EYS: variants seen among roughly 807,000 people sequenced by gnomAD.
The protein encoded by EYS is EGF-like photoreceptor maintenance factor, also known as protein eyes shut homolog.
Under a neutral mutation model 282.1 loss-of-function variants are expected in EYS, and 250 were observed. The ratio of observed to expected loss-of-function variants is 0.89; its 90% CI spans 0.80 to 0.98. The LOEUF is 0.98. Ranked by LOEUF, EYS falls within the 50% of genes least tolerant of loss-of-function variation. The pLI, the probability that EYS is intolerant of heterozygous loss-of-function variation, is 0.00. For missense variants in EYS, 4,016 were observed against 3,709.0 expected (o/e 1.08, Z -2.15); for synonymous variants, 1,355 against 1,282.9 (o/e 1.06, Z -1.20).
At chr6:64,171,050 G>A (rs907423324) in intron 31 of EYS, among the ~76,000 whole-genome samples, 29 of 152,140 alleles carry the variant, frequency 1.9e-4, no homozygotes, top group African/African-American at 4.8e-4. Flanking sequence ...TTGCTTATCC[G>A]TAAATTTATT....
chr6:64,617,412 C>T lies in EYS; in HGVS notation c.3684+6G>A, dbSNP rs1392219930. The T allele has an allele frequency of 2.0e-6, 3 of 1,518,488 alleles. No homozygotes were observed. The highest frequency in any genetic ancestry group is 2.8e-5 in the African/African-American group (2 of 72,330). 94.1% of individuals were successfully genotyped at this position (1,518,488 alleles called of 1,614,324 possible). On this transcript the variant is annotated splice_donor_region_variant and intron_variant, in intron 24 of 42. Transcript: ENST00000503581. ...TATTACAACCACAACCACCAGTAATCTTTACCATAAATCCAGGTGTGCATA... is the reference window on the plus strand; with the variant it reads ...TATTACAACCACAACCACCAGTAATTTTTACCATAAATCCAGGTGTGCATA...
chr6:63,980,145 C>G (rs1001264355), intron 35 of EYS, among the ~76,000 whole-genome samples: 2 of 151,776 alleles, frequency 1.3e-5, no homozygotes, highest in African/African-American at 2.4e-5. Flanking sequence ...ATTCACTACC[C>G]CACTCTTGTG....
At chr6:65,296,843 G>C (rs75478886) in intron 11 of EYS, among the ~76,000 whole-genome samples, 2 of 151,590 alleles carry the variant, frequency 1.3e-5, no homozygotes, top group Non-Finnish European at 3.0e-5. Context: ...TTGTGAAATA[G>C]TCTGCAATTT....
chr6:64,734,240 A>G (rs935460791), intron 22 of EYS, among the ~76,000 whole-genome samples: 7 of 152,176 alleles, frequency 4.6e-5, no homozygotes, highest in African/African-American at 1.7e-4. Context: ...GACTAAAGCG[A>G]ATAAGCACTT....
intron 36 of EYS, among the ~76,000 whole-genome samples, chr6:63,834,761 A>C (rs1305231818): frequency 1.3e-5 from 2 of 151,970 alleles, no homozygotes; most frequent in Non-Finnish European, 2.9e-5. Context: ...GTGTATGTTT[A>C]CTGTGGCACT....
intron 12 of EYS, among the ~76,000 whole-genome samples, chr6:65,127,361 T>C (rs1775749045): frequency 6.6e-6 from 1 of 152,142 alleles, no homozygotes; most frequent in African/African-American, 2.4e-5. Flanking sequence ...CACCCACCTT[T>C]AATCAACGTA....
At chr6:65,674,450 C>CAAAAA (rs56958605) in intron 1 of EYS, among the ~76,000 whole-genome samples, 9 of 34,766 alleles carry the variant, frequency 2.6e-4, no homozygotes, top group African/African-American at 5.2e-4. Context: ...GACTCCGTCT[C>CAAAAA]AAAAAAAAAA....
intron 29 of EYS, among the ~76,000 whole-genome samples, chr6:64,317,772 A>G (rs1340610853): frequency 6.6e-6 from 1 of 152,178 alleles, no homozygotes; most frequent in Non-Finnish European, 1.5e-5. Context: ...AAGACTTGGA[A>G]CCAACCCAAA....
At chr6:65,296,897 C>A (rs13210463) in intron 11 of EYS, among the ~76,000 whole-genome samples, 14,371 of 151,450 alleles carry the variant, frequency 0.095, 980 homozygotes, top group African/African-American at 0.19. Flanking sequence ...ATGTTGAGAA[C>A]TATGTTGGCT....
At chr6:65,152,894 G>A (rs930555491) in intron 12 of EYS, among the ~76,000 whole-genome samples, 24 of 150,304 alleles carry the variant, frequency 1.6e-4, no homozygotes, top group African/African-American at 5.6e-4. Flanking sequence ...TGCTGCTCTA[G>A]CAATTAATTA....
chr6:64,446,427 A>T (rs531617525), intron 26 of EYS, among the ~76,000 whole-genome samples: 1 of 152,266 alleles, frequency 6.6e-6, no homozygotes, highest in African/African-American at 2.4e-5. Context: ...ATATATAGAA[A>T]ATACACCAAA....
intron 31 of EYS, among the ~76,000 whole-genome samples, chr6:64,133,517 G>C (rs573135173): frequency 4.3e-4 from 56 of 129,914 alleles, no homozygotes; most frequent in East Asian, 1.2e-3. Flanking sequence ...CACACACACA[G>C]AGAAATCCAT....
chr6:64,464,303 A>G (rs1775849481), intron 26 of EYS, among the ~76,000 whole-genome samples: 2 of 152,194 alleles, frequency 1.3e-5, no homozygotes, highest in South Asian at 4.1e-4. Context: ...TGCATCTCAA[A>G]GCAAAATAAA....
At chr6:63,732,595 G>T (rs904167559) in intron 41 of EYS, among the ~76,000 whole-genome samples, 13 of 152,118 alleles carry the variant, frequency 8.5e-5, no homozygotes, top group African/African-American at 3.1e-4. Flanking sequence ...ATTATTTCTT[G>T]TATGTCTATC....
chr6:65,024,973 T>C (rs182306413), intron 13 of EYS, among the ~76,000 whole-genome samples: 4 of 152,298 alleles, frequency 2.6e-5, no homozygotes, highest in East Asian at 1.9e-4. Flanking sequence ...TTGAATCAAA[T>C]AGAAGCAGAT....
intron 12 of EYS, among the ~76,000 whole-genome samples, chr6:65,085,725 G>T (rs1474697552): frequency 2.0e-5 from 3 of 152,032 alleles, no homozygotes; most frequent in Non-Finnish European, 4.4e-5. Context: ...GCTTTCCATA[G>T]TGTCTCATCC....
chr6:65,591,461 C>G (rs1307247842), intron 2 of EYS, among the ~76,000 whole-genome samples: 2 of 151,912 alleles, frequency 1.3e-5, no homozygotes, highest in African/African-American at 4.8e-5. Flanking sequence ...TTACAGTAAA[C>G]ACAATACATT....
intron 12 of EYS, among the ~76,000 whole-genome samples, chr6:65,143,251 C>A (rs1316719587): frequency 2.1e-5 from 3 of 142,876 alleles, no homozygotes; most frequent in Non-Finnish European, 4.6e-5. Context: ...AAGCATTATA[C>A]AGACTGAAAG....
intron 29 of EYS, among the ~76,000 whole-genome samples, chr6:64,363,429 T>C (rs1330442510): frequency 6.6e-6 from 1 of 151,880 alleles, no homozygotes; most frequent in Non-Finnish European, 1.5e-5. Context: ...GTGACTTCAT[T>C]AATGAATGTT....
Sources: allele counts gnomAD v4.1 joint callset (sites outside exome capture counted in the v4.1 genomes callset), GRCh38; gene constraint gnomAD v4.1.1; transcripts MANE v1.5; gene names NCBI Gene and HGNC (gene_info 2026-07-23, HGNC 2026-07-21).